The following SPTB variants were observed in gnomAD, a reference collection of about 807,000 sequenced individuals.
SPTB encodes the protein spectrin beta chain, erythrocytic.
In SPTB, 45 loss-of-function variants were observed where a neutral mutation model predicts 256.2. The observed-to-expected ratio is 0.18, with a 90% confidence interval of 0.14 to 0.23. The LOEUF is 0.23. SPTB is among the 10% of genes least tolerant of loss of function. The probability of loss-of-function intolerance (pLI) is 1.00; values close to 1 mark genes in which losing one functional copy is unlikely to be tolerated. For synonymous variants in SPTB, 1,231 were observed against 1,243.1 expected, an observed-to-expected ratio of 0.99 and a Z score of 0.21; for missense variants, 2,715 against 3,040.4, an observed-to-expected ratio of 0.89 and a Z score of 2.52.
chr14:64,860,887 T>C (rs1594852416), intron 1 of SPTB, among the ~76,000 whole-genome samples: 2 of 152,200 alleles, frequency 1.3e-5, no homozygotes, highest in East Asian at 3.8e-4. Context: ...TATAGGAATA[T>C]AAATCATTCC....
In SPTB at chr14:64,786,871, T is replaced by C; in HGVS notation, c.3094A>G (p.Ile1032Val). The C allele has an allele frequency of 6.2e-7, 1 of 1,613,038 alleles. No individual in the cohort carries two copies. The highest frequency in any genetic ancestry group is 8.5e-7 in the Non-Finnish European group (1 of 1,180,022). The change falls in exon 16 of 36, where the codon ATT (isoleucine) becomes GTT (valine). Residue 1032 changes from isoleucine to valine, a missense_variant. This residue lies in a region of SPTB where 2,239 missense variants were observed against 2,384.4 expected (regional missense o/e 0.94). Coordinates refer to ENST00000644917, the MANE Select transcript of SPTB (RefSeq NM_001355436.2). This position sits in a 1 kb window ranked among gnomAD's most constrained non-coding sequence, Gnocchi z 5.6. The part of the protein sequence containing the change: ...MDSHPEQKED[I>V]GQRQKHLEEL... ...TCCAAGTGTTTTTGCCGCTGACCAATATCCTCCTTCTGCTCAGGGTGCGAG... is the reference window on the plus strand; with the variant it reads ...TCCAAGTGTTTTTGCCGCTGACCAACATCCTCCTTCTGCTCAGGGTGCGAG...
At chr14:64,869,200 G>C (rs1184321732) in intron 1 of SPTB, among the ~76,000 whole-genome samples, 4 of 152,088 alleles carry the variant, frequency 2.6e-5, no homozygotes, top group Non-Finnish European at 4.4e-5. Flanking sequence ...TTCCAAGTCT[G>C]ATTGTAAATA....
At position 64,751,946 on chromosome 14, in the gene SPTB, T is replaced by TAAA. The variant is rs1566731898; in HGVS notation, c.6602+1590_6602+1591insTTT. ...AAAATGCAAAAAAAAAAAAAAAAAT[T>TAAA]AGCCAGGCGTGGTGGCACGTGCCTG... On this transcript the variant is annotated intron_variant, in intron 33 of 35. Transcript: ENST00000644917. Among the ~76,000 whole-genome samples, 64 of 90,482 alleles carry TAAA rather than the reference T, an allele frequency of 7.1e-4. 5 individuals carry two copies. The highest frequency in any genetic ancestry group is 2.3e-3 in the African/African-American group (52 of 22,740). 59.4% of individuals were successfully genotyped at this position (90,482 alleles called of 152,430 possible).
chr14:64,789,374 TAATA>T (rs1308238731), intron 15 of SPTB, among the ~76,000 whole-genome samples: 3 of 151,968 alleles, frequency 2.0e-5, no homozygotes, highest in South Asian at 2.1e-4. Flanking sequence ...ATTAATTAAT[TAATA>T]AAGAGTAATG....
rs1472242956 is a variant in SPTB at position 64,807,400 on chromosome 14, A to T, written c.149-2310T>A. 6.6e-6 allele frequency among the ~76,000 whole-genome samples: 1 copy of T among 152,222 alleles called. No individual in the cohort carries two copies. Among genetic ancestry groups the T allele is most frequent in the Non-Finnish European group, 1.5e-5 (1 of 68,036 alleles). On this transcript the variant is annotated intron_variant, in intron 2 of 35. Transcript: ENST00000644917. This position sits in a 1 kb window ranked among gnomAD's most constrained non-coding sequence, Gnocchi z 4.7. ...CTGGTGCATTTATTGGTGCAGAAATATCAGAAAGCACCCTTAGATCTCCCC... is the reference window on the plus strand; with the variant it reads ...CTGGTGCATTTATTGGTGCAGAAATTTCAGAAAGCACCCTTAGATCTCCCC...
intron 32 of SPTB, among the ~76,000 whole-genome samples, chr14:64,762,264 G>C (rs1247297853): frequency 6.6e-6 from 1 of 152,252 alleles, no homozygotes; most frequent in African/African-American, 2.4e-5. Context: ...ACTGCAAAAT[G>C]TCTGAAAGAG....
Position 64,823,239 on chromosome 14 carries a change from T to C in SPTB, c.-51-94A>G, listed in dbSNP as rs1331346202. On this transcript the variant is annotated intron_variant, in intron 1 of 35. Coordinates refer to ENST00000644917, the MANE Select transcript of SPTB (RefSeq NM_001355436.2). This position sits in a 1 kb window ranked among gnomAD's most constrained non-coding sequence, Gnocchi z 6.5. ...ATTCGGAGCATCCAACGTGAGTAGA[T>C]CCTGACAGAAGCAGAACGCCATGTC... is the stretch of plus-strand genomic sequence containing the variant. 7 of 948,488 alleles carry C rather than the reference T, an allele frequency of 7.4e-6. No individual in the cohort carries two copies. Among genetic ancestry groups the C allele is most frequent in the Admixed American group, 5.9e-5 (3 of 50,942 alleles). 58.8% of individuals were successfully genotyped at this position (948,488 alleles called of 1,614,324 possible). A position where few individuals can be genotyped will look rare whatever the true frequency, so the allele number is the denominator to read the frequency against.
chr14:64,861,155 C>T (rs770831311), intron 1 of SPTB, among the ~76,000 whole-genome samples: 1 of 151,994 alleles, frequency 6.6e-6, no homozygotes, highest in East Asian at 1.9e-4. Flanking sequence ...ACATTGAGAA[C>T]GCATGGACAC....
intron 2 of SPTB, among the ~76,000 whole-genome samples, chr14:64,813,477 T>C (rs1417833942): frequency 6.6e-6 from 1 of 152,160 alleles, no homozygotes. Context: ...AGCCAAGAGC[T>C]TGGGGAACCA....
In SPTB at chr14:64,847,349, C is replaced by T. The variant is rs1264476436; in HGVS notation, c.-51-24204G>A. Among the ~76,000 whole-genome samples the T allele has an allele frequency of 1.3e-5, 2 of 152,310 alleles. No homozygotes were observed. Among genetic ancestry groups the T allele is most frequent in the Non-Finnish European group, 2.9e-5 (2 of 68,028 alleles). ...GAATGGGCGGAACAAATCAGACAGC[C>T]CTCTTCCAAGTGTCGTATCATGTCT... On this transcript the variant is annotated intron_variant, in intron 1 of 35. Transcript: ENST00000644917. The surrounding 1 kb of genome is among the most constrained non-coding windows in gnomAD (Gnocchi z 5.9).
chr14:64,815,454 A>G (rs1039922988), intron 2 of SPTB, among the ~76,000 whole-genome samples: 1 of 152,212 alleles, frequency 6.6e-6, no homozygotes, highest in Non-Finnish European at 1.5e-5. Flanking sequence ...TAGGGAGATG[A>G]CAACAGCTAT....
At chr14:64,859,258 G>GA (rs2139796431) in intron 1 of SPTB, among the ~76,000 whole-genome samples, 2 of 152,158 alleles carry the variant, frequency 1.3e-5, no homozygotes, top group Non-Finnish European at 2.9e-5. Context: ...CGTCTCAGAA[G>GA]AAAAAATAAA....
rs2082291099 is a variant in SPTB at position 64,772,461 on chromosome 14, A to G, written c.5553+119T>C. 1 of 1,389,362 alleles carries G rather than the reference A, an allele frequency of 7.2e-7. No individual in the cohort carries two copies. The highest frequency in any genetic ancestry group is 1.4e-5 in the African/African-American group (1 of 70,178). 86.1% of individuals were successfully genotyped at this position (1,389,362 alleles called of 1,614,324 possible). On this transcript the variant is annotated intron_variant, in intron 26 of 35. Coordinates refer to ENST00000644917, the MANE Select transcript of SPTB (RefSeq NM_001355436.2). This position sits in a 1 kb window ranked among gnomAD's most constrained non-coding sequence, Gnocchi z 5.4. ...CCCAGCCCTGAGCTCCTGGCTGTCTAAGGAGGCAAAACCTCCTGGCACTTA... is the reference window on the plus strand; with the variant it reads ...CCCAGCCCTGAGCTCCTGGCTGTCTGAGGAGGCAAAACCTCCTGGCACTTA...
intron 24 of SPTB, 46 bp from the exon 25 acceptor site, chr14:64,773,470 C>T: frequency 6.2e-7 from 1 of 1,600,624 alleles, no homozygotes; most frequent in Non-Finnish European, 8.5e-7. Context: ...CAGCCACGAA[C>T]CCAGAGCCGT....
intron 3 of SPTB, among the ~76,000 whole-genome samples, chr14:64,804,058 C>G (rs547963150): frequency 6.6e-6 from 1 of 152,214 alleles, no homozygotes; most frequent in Non-Finnish European, 1.5e-5. Flanking sequence ...CATTTGCTTA[C>G]GGTAACATAA....
At position 64,785,716 on chromosome 14, in the gene SPTB, TGG is replaced by T; in HGVS notation, c.3764+31_3764+32del. ...GGTCCTCACTACCCCCGTGTGGCTC[TGG>T]GGGCCTCGTGGCCCTGGGGCCCGGG... is the stretch of plus-strand genomic sequence containing the variant. On this transcript the variant is annotated intron_variant, in intron 17 of 35. Coordinates refer to ENST00000644917, the MANE Select transcript of SPTB (RefSeq NM_001355436.2). The surrounding 1 kb of genome is among the most constrained non-coding windows in gnomAD (Gnocchi z 4.4). 6.2e-7 allele frequency: 1 copy of T among 1,613,514 alleles called. No homozygotes were observed. The highest frequency in any genetic ancestry group is 8.5e-7 in the Non-Finnish European group (1 of 1,179,442).
rs2082986207 is a variant in SPTB, at chr14:64,806,463, C to T, written c.149-1373G>A. On this transcript the variant is annotated intron_variant, in intron 2 of 35. Coordinates refer to ENST00000644917, the MANE Select transcript of SPTB (RefSeq NM_001355436.2). This position sits in a 1 kb window ranked among gnomAD's most constrained non-coding sequence, Gnocchi z 4.1. ...GCCCGGTCGGAGCAGGCTGTGTGCT[C>T]GACTGAGCCTCAACCGTGAAAGGGC... 1.3e-5 allele frequency among the ~76,000 whole-genome samples: 2 copies of T among 152,318 alleles called. No homozygotes were observed. The highest frequency in any genetic ancestry group is 1.3e-4 in the Admixed American group (2 of 15,294).
chr14:64,811,308 A>C (rs1400982813), intron 2 of SPTB, among the ~76,000 whole-genome samples: 1 of 152,220 alleles, frequency 6.6e-6, no homozygotes, highest in Non-Finnish European at 1.5e-5. Flanking sequence ...ATGTATAAAA[A>C]ATTGTACAAG....
rs2082752089 is a variant in SPTB, at chr14:64,795,552, G to A, written c.1429C>T (p.Arg477Trp). Residue 477 changes from arginine (R) to tryptophan (W), a missense_variant, in exon 12 of 36, where the codon CGG becomes TGG. Transcript: ENST00000644917. This position sits in a 1 kb window ranked among gnomAD's most constrained non-coding sequence, Gnocchi z 6.5. The stretch of plus-strand genomic sequence containing the variant: ...GCCAGGTCCTCCAGGGCTCTCACCC[G>A]CTCCTCGTAGGCAGCCGTGTCGGTC... Reference protein sequence around the residue: ...IETDTAAYEERVRALEDLAQE... With the variant: ...IETDTAAYEEWVRALEDLAQE... 6.2e-7 allele frequency: 1 copy of A among 1,614,034 alleles called. No homozygotes were observed. Among genetic ancestry groups the A allele is most frequent in the Non-Finnish European group, 8.5e-7 (1 of 1,179,986 alleles).
Sources: gnomAD v4.1 joint callset for allele counts (sites outside exome capture counted in the v4.1 genomes callset) on GRCh38, gnomAD v4.1.1 for gene constraint, gnomAD v4.1.1 regional missense constraint, Gnocchi (gnomAD v3.1) non-coding constraint, MANE v1.5 for transcripts, NCBI Gene and HGNC (gene_info 2026-07-23, HGNC 2026-07-21) for gene names.